The following CACNA1A variants were observed in gnomAD, a reference collection of about 807,000 sequenced individuals.
CACNA1A encodes the protein calcium voltage-gated channel subunit alpha1 A, also known as voltage-dependent P/Q-type calcium channel subunit alpha-1A.
A neutral mutation model predicts 262.4 loss-of-function variants in CACNA1A; 57 were observed. That is an observed-to-expected ratio of 0.22 (90% CI 0.18 to 0.27). CACNA1A has a LOEUF of 0.27. CACNA1A is among the 10% of genes least tolerant of loss of function. CACNA1A has a pLI of 1.00. For synonymous variants in CACNA1A, 1,431 were observed against 1,419.3 expected, an observed-to-expected ratio of 1.01 and a Z score of -0.18; for missense variants, 2,526 against 3,562.8, an observed-to-expected ratio of 0.71 and a Z score of 7.41.
chr19:13,253,800 T>C (rs1028617197), intron 29 of CACNA1A, among the ~76,000 whole-genome samples: 2 of 151,854 alleles, frequency 1.3e-5, no homozygotes, highest in African/African-American at 4.8e-5. Flanking sequence ...AGTGCAGTGG[T>C]GTGATCTCAG....
At chr19:13,394,282 C>T (rs1470647611) in intron 3 of CACNA1A, among the ~76,000 whole-genome samples, 2 of 152,058 alleles carry the variant, frequency 1.3e-5, no homozygotes, top group Non-Finnish European at 2.9e-5. Context: ...CCATGTCCTG[C>T]TCAATTCTAA....
intron 4 of CACNA1A, among the ~76,000 whole-genome samples, chr19:13,369,664 T>C (rs2059283733): frequency 6.6e-6 from 1 of 152,228 alleles, no homozygotes; most frequent in Non-Finnish European, 1.5e-5. Flanking sequence ...TTACTACTGC[T>C]ATTATAATAT....
intron 24 of CACNA1A, chr19:13,274,819 AG>A (rs1328253307): frequency 6.6e-6 from 1 of 152,188 alleles, no homozygotes; most frequent in Admixed American, 6.5e-5. Context: ...GTCACCTTCG[AG>A]TAGCCATCCA....
chr19:13,392,782 T>C (rs1189250380), intron 3 of CACNA1A, among the ~76,000 whole-genome samples: 3 of 152,182 alleles, frequency 2.0e-5, no homozygotes, highest in Admixed American at 2.0e-4. Flanking sequence ...TCATGTATTC[T>C]GCCACCCAGG....
At chr19:13,464,527 G>A (rs1841039059) in intron 1 of CACNA1A, among the ~76,000 whole-genome samples, 1 of 146,072 alleles carries the variant, frequency 6.8e-6, no homozygotes, top group Non-Finnish European at 1.5e-5. Context: ...GCTGCTAATA[G>A]TAAATAACTT....
chr19:13,230,638 C>T (rs552917321), intron 35 of CACNA1A, among the ~76,000 whole-genome samples: 24 of 152,146 alleles, frequency 1.6e-4, no homozygotes, highest in South Asian at 8.3e-4. Context: ...AACACTGTCT[C>T]TACTAAAAAT....
intron 3 of CACNA1A, among the ~76,000 whole-genome samples, chr19:13,438,319 C>T (rs2060649748): frequency 6.6e-6 from 1 of 152,242 alleles, no homozygotes; most frequent in South Asian, 2.1e-4. Flanking sequence ...TGAATCTGGA[C>T]CAGCTTCATT....
In CACNA1A at chr19:13,477,666, T is replaced by C. The variant is rs187039033; in HGVS notation, c.294-22454A>G. Among the ~76,000 whole-genome samples, 8 of 152,294 alleles carry C rather than the reference T, an allele frequency of 5.3e-5. No individual in the cohort carries two copies. The South Asian group carries it at 1.5e-3, about 28-fold the overall frequency. On this transcript the variant is annotated intron_variant, in intron 1 of 46. Transcript: ENST00000360228. Reference sequence around the variant, plus strand: ...GCTGGGGATGCAACAGAAGACAAAATAGATAAAGCTGAGCCCTCATGGAGG... The same window carrying C: ...GCTGGGGATGCAACAGAAGACAAAACAGATAAAGCTGAGCCCTCATGGAGG...
intron 21 of CACNA1A, 34 bp from the exon 22 acceptor site, chr19:13,283,430 T>C (rs1243563668): frequency 1.2e-6 from 2 of 1,613,214 alleles, no homozygotes; most frequent in Non-Finnish European, 1.7e-6. Context: ...AGAGGTCCAC[T>C]CAGACCACAG....
chr19:13,495,647 G>A (rs188478592), intron 1 of CACNA1A, among the ~76,000 whole-genome samples: 1 of 152,138 alleles, frequency 6.6e-6, no homozygotes, highest in Non-Finnish European at 1.5e-5. Flanking sequence ...GGTAAGCGGA[G>A]AGACTTGGTC....
chr19:13,461,873 C>T (rs2061130213), intron 1 of CACNA1A, among the ~76,000 whole-genome samples: 1 of 152,024 alleles, frequency 6.6e-6, no homozygotes, highest in African/African-American at 2.4e-5. Context: ...AGCTGGCTTC[C>T]GAAATGGCTC....
chr19:13,470,065 T>C (rs1364390002), intron 1 of CACNA1A, among the ~76,000 whole-genome samples: 1 of 152,060 alleles, frequency 6.6e-6, no homozygotes, highest in African/African-American at 2.4e-5. Context: ...AAATGGGCAT[T>C]TGAGAATCCC....
chr19:13,300,475 C>G, intron 18 of CACNA1A, 75 bp downstream of exon 18: 1 of 1,050,550 alleles, frequency 9.5e-7, no homozygotes, highest in Non-Finnish European at 1.5e-6. Context: ...ACCCCCACTG[C>G]TTCCCAAATC....
intron 6 of CACNA1A, among the ~76,000 whole-genome samples, chr19:13,344,844 TC>T (rs1206120980): frequency 6.6e-6 from 1 of 152,116 alleles, no homozygotes. Flanking sequence ...AACCTCTGCC[TC>T]CCAGGTTCAA....
chr19:13,292,903 C>T (rs1489046427), intron 19 of CACNA1A, among the ~76,000 whole-genome samples: 1 of 152,110 alleles, frequency 6.6e-6, no homozygotes, highest in Non-Finnish European at 1.5e-5. Flanking sequence ...CTTAGAACCT[C>T]TTTATCAGCC....
chr19:13,250,819 G>T (rs2056375945), intron 30 of CACNA1A, among the ~76,000 whole-genome samples: 1 of 152,184 alleles, frequency 6.6e-6, no homozygotes, highest in African/African-American at 2.4e-5. Flanking sequence ...GTTACCTTTT[G>T]TAATAAAATA....
intron 17 of CACNA1A, among the ~76,000 whole-genome samples, 170 bp from the exon 18 acceptor site, chr19:13,300,826 T>G (rs926397561): frequency 2.6e-5 from 4 of 152,174 alleles, no homozygotes; most frequent in African/African-American, 9.7e-5. Flanking sequence ...TGCTATCCCC[T>G]CTGTGTATAA....
At chr19:13,215,784 C>CA (rs566898116) in intron 38 of CACNA1A, among the ~76,000 whole-genome samples, 32 of 152,170 alleles carry the variant, frequency 2.1e-4, no homozygotes, top group African/African-American at 6.0e-4. Flanking sequence ...GCCTGGCTAT[C>CA]ACCTGGTTGT....
At position 13,214,934 on chromosome 19, in the gene CACNA1A, A is replaced by C; in HGVS notation, c.5732-326T>G. 1 of 290,214 alleles carries C rather than the reference A, an allele frequency of 3.4e-6. No individual in the cohort carries two copies. The highest frequency in any genetic ancestry group is 6.5e-6 in the Non-Finnish European group (1 of 153,008). The allele number at this position is 290,214 out of a possible 1,614,324, so 18.0% of individuals were successfully genotyped here. A position where few individuals can be genotyped will look rare whatever the true frequency, so the allele number is the denominator to read the frequency against. On this transcript the variant is annotated intron_variant, in intron 38 of 46. Transcript: ENST00000360228. This position sits in a 1 kb window ranked among gnomAD's most constrained non-coding sequence, Gnocchi z 4.1. ...ACTTAGGTTACTCTACCACTTAGTA[A>C]CTCAGTTTCTCCATCTGTGAAATGG...
Sources: gnomAD v4.1 joint callset for allele counts (sites outside exome capture counted in the v4.1 genomes callset) on GRCh38, gnomAD v4.1.1 for gene constraint, Gnocchi (gnomAD v3.1) non-coding constraint, MANE v1.5 for transcripts, NCBI Gene and HGNC (gene_info 2026-07-23, HGNC 2026-07-21) for gene names.